Variants in ERICH3 observed in about 807,000 individuals in gnomAD.
ERICH3 encodes the protein glutamate-rich protein 3.
In ERICH3, 126 loss-of-function variants were observed where a neutral mutation model predicts 131.1. The ratio of observed to expected loss-of-function variants is 0.96; its 90% confidence interval spans 0.83 to 1.11. The LOEUF (loss-of-function observed/expected upper bound fraction) is 1.11. Ranked by LOEUF, ERICH3 falls within the 50% of genes most tolerant of loss-of-function variation. The pLI is 0.00. For synonymous variants in ERICH3, 695 were observed against 644.6 expected, an observed-to-expected ratio of 1.08 and a Z score of -1.18; for missense variants, 2,050 against 1,810.7, an observed-to-expected ratio of 1.13 and a Z score of -2.40.
chr1:74,603,945 G>A (rs1434959579), intron 10 of ERICH3, among the ~76,000 whole-genome samples: 1 of 151,786 alleles, frequency 6.6e-6, no homozygotes, highest in Non-Finnish European at 1.5e-5. Flanking sequence ...CAACAATAAA[G>A]TTTGCCACAT....
In ERICH3 at chr1:74,599,684, G is replaced by T; in HGVS notation, c.1726+11C>A. ...AACAGCCTATGTTACATGATAAGCTGAACAACTCGCCTTGTTTATCCTCTT... is the reference window on the plus strand; with the variant it reads ...AACAGCCTATGTTACATGATAAGCTTAACAACTCGCCTTGTTTATCCTCTT... On this transcript the variant is annotated intron_variant, in intron 11 of 14. Coordinates refer to ENST00000326665, the MANE Select transcript of ERICH3 (RefSeq NM_001002912.5). 1 of 1,588,902 alleles carries T rather than the reference G, an allele frequency of 6.3e-7. No individual in the cohort carries two copies. The highest frequency in any genetic ancestry group is 8.6e-7 in the Non-Finnish European group (1 of 1,166,074).
At chr1:74,666,379 GCTCA>G (rs1646692950) in intron 1 of ERICH3, among the ~76,000 whole-genome samples, 1 of 152,024 alleles carries the variant, frequency 6.6e-6, no homozygotes, top group African/African-American at 2.4e-5. Context: ...GCTTCTTGTG[GCTCA>G]CTGTGAAAGC....
intron 6 of ERICH3, among the ~76,000 whole-genome samples, chr1:74,635,681 A>G (rs886323172): frequency 1.3e-5 from 2 of 152,150 alleles, no homozygotes; most frequent in Non-Finnish European, 2.9e-5. Context: ...CTCATGTTTC[A>G]TGGTTACCAT....
intron 13 of ERICH3, among the ~76,000 whole-genome samples, chr1:74,576,621 T>G (rs1196736752): frequency 7.2e-5 from 11 of 152,196 alleles, no homozygotes; most frequent in Admixed American, 3.3e-4. Flanking sequence ...GCTAAGTTGT[T>G]GCTTGAAAGA....
At chr1:74,576,859 C>A (rs368813896) in intron 13 of ERICH3, 36 bp downstream of exon 13, 113 of 1,556,764 alleles carry the variant, frequency 7.3e-5, no homozygotes, top group Non-Finnish European at 9.0e-5. Context: ...TCTGTTGGAT[C>A]ACTCTAATTG....
At chr1:74,659,321 C>T (rs1360749647) in intron 1 of ERICH3, among the ~76,000 whole-genome samples, 3 of 90,636 alleles carry the variant, frequency 3.3e-5, no homozygotes, top group South Asian at 7.4e-4. Flanking sequence ...GTTGCACAGG[C>T]GCATGTGTGT....
chr1:74,631,065 G>A (rs1475471204), intron 7 of ERICH3, among the ~76,000 whole-genome samples: 1 of 152,048 alleles, frequency 6.6e-6, no homozygotes, highest in Non-Finnish European at 1.5e-5. Context: ...TTCACTTCCT[G>A]ATGGTCAGTC....
At chr1:74,655,819 T>G (rs1355753975) in intron 1 of ERICH3, among the ~76,000 whole-genome samples, 1 of 152,152 alleles carries the variant, frequency 6.6e-6, no homozygotes, top group Non-Finnish European at 1.5e-5. Context: ...GGACTGTGTC[T>G]TAGCCCATTT....
intron 8 of ERICH3, among the ~76,000 whole-genome samples, chr1:74,614,383 A>C (rs1255005386): frequency 2.0e-5 from 3 of 151,208 alleles, no homozygotes; most frequent in Non-Finnish European, 3.0e-5. Context: ...AAAAAAAAAA[A>C]AAAAAACTCG....
At chr1:74,669,264 G>A (rs921771731) in intron 1 of ERICH3, among the ~76,000 whole-genome samples, 25 of 151,972 alleles carry the variant, frequency 1.6e-4, no homozygotes, top group Admixed American at 1.5e-3. Flanking sequence ...AACAAAAAAT[G>A]CTTCTAAACC....
At chr1:74,622,113 C>T (rs1649244674) in intron 7 of ERICH3, 3 of 152,176 alleles carry the variant, frequency 2.0e-5, no homozygotes, top group Admixed American at 2.0e-4. Flanking sequence ...AAAATATTTC[C>T]ATCTCTAAAC....
At position 74,572,792 on chromosome 1, in the gene ERICH3, G is replaced by A. The variant is rs776039217; in HGVS notation, c.2918C>T (p.Ala973Val). ...GGCTGGTTCCTCTCCCCCAAGAATT[G>A]CCTCTTCAGAACCGTCCTCTCTCTT... ...ASKREDGSEE[A>V]ILGGEEPAKE... The change falls in exon 14 of 15, where the codon GCA (alanine) becomes GTA (valine). Residue 973 changes from alanine (A) to valine (V), a missense_variant. Coordinates refer to ENST00000326665, the MANE Select transcript of ERICH3 (RefSeq NM_001002912.5). The A allele has an allele frequency of 1.6e-5, 26 of 1,613,646 alleles. No homozygotes were observed. Among genetic ancestry groups the A allele is most frequent in the Non-Finnish European group, 2.2e-5 (26 of 1,179,954 alleles).
At chr1:74,650,907 GAA>G (rs2100644023) in intron 1 of ERICH3, among the ~76,000 whole-genome samples, 1 of 151,694 alleles carries the variant, frequency 6.6e-6, no homozygotes, top group Non-Finnish European at 1.5e-5. Flanking sequence ...GAGAGAGAGA[GAA>G]AGACAAAGAG....
intron 3 of ERICH3, among the ~76,000 whole-genome samples, chr1:74,644,051 A>T (rs74093489): frequency 2.4e-3 from 356 of 149,670 alleles, no homozygotes; most frequent in African/African-American, 8.2e-3. Flanking sequence ...CCATGTAAAA[A>T]TAATCTGCTT....
At chr1:74,665,853 G>T (rs1332864550) in intron 1 of ERICH3, among the ~76,000 whole-genome samples, 2 of 152,154 alleles carry the variant, frequency 1.3e-5, no homozygotes, top group Non-Finnish European at 2.9e-5. Flanking sequence ...ATTACAGTGG[G>T]AGGGGGAGGC....
At chr1:74,636,679 A>T (rs1414760743) in intron 5 of ERICH3, among the ~76,000 whole-genome samples, 1 of 152,216 alleles carries the variant, frequency 6.6e-6, no homozygotes, top group East Asian at 1.9e-4. Context: ...TAGACAAAGG[A>T]GATGTCCTCC....
chr1:74,570,988 G>A, intron 14 of ERICH3, 111 bp downstream of exon 14: 1 of 1,363,898 alleles, frequency 7.3e-7, no homozygotes, highest in Non-Finnish European at 9.9e-7. Context: ...ATTGAAGCCT[G>A]TGTGTTTATA....
intron 12 of ERICH3, 159 bp downstream of exon 12, chr1:74,589,472 T>C (rs1647480797): frequency 7.0e-6 from 5 of 710,284 alleles, no homozygotes; most frequent in Non-Finnish European, 1.2e-5. Context: ...AAACTGAAAA[T>C]ACATGTATGA....
intron 10 of ERICH3, among the ~76,000 whole-genome samples, chr1:74,601,693 A>G: frequency 6.6e-6 from 1 of 151,846 alleles, no homozygotes; most frequent in African/African-American, 2.4e-5. Context: ...TGACCATAAG[A>G]TAAGCAGAGG....
Sources: allele counts gnomAD v4.1 joint callset (sites outside exome capture counted in the v4.1 genomes callset), GRCh38; gene constraint gnomAD v4.1.1; transcripts MANE v1.5; gene names NCBI Gene and HGNC (gene_info 2026-07-23, HGNC 2026-07-21).